The following TAOK1 variants were observed in gnomAD, a reference collection of about 807,000 sequenced individuals.
TAOK1 encodes the protein TAO kinase 1.
A neutral mutation model predicts 138.3 loss-of-function variants in TAOK1; 21 were observed. The observed-to-expected ratio is 0.15, with a 90% CI of 0.11 to 0.22. The LOEUF (loss-of-function observed/expected upper bound fraction) is 0.22, where lower values mean the gene tolerates loss of function less well. Among genes scored for constraint, TAOK1 ranks in the 10% least tolerant of loss-of-function variants. The probability of loss-of-function intolerance (pLI) is 1.00; values close to 1 mark genes in which losing one functional copy is unlikely to be tolerated. For missense variants in TAOK1, 651 were observed against 1,227.7 expected (o/e 0.53, Z 7.02); for synonymous variants, 361 against 398.4 (o/e 0.91, Z 1.12).
intron 15 of TAOK1, among the ~76,000 whole-genome samples, chr17:29,516,501 ATTT>A (rs36052568): frequency 1.6e-5 from 2 of 126,956 alleles, no homozygotes; most frequent in Admixed American, 1.6e-4. Context: ...CACCTGGCTA[ATTT>A]TTTTTTTTTT....
At chr17:29,432,791 TAGAG>T (rs1266227448) in intron 1 of TAOK1, among the ~76,000 whole-genome samples, 7 of 151,826 alleles carry the variant, frequency 4.6e-5, no homozygotes, top group Non-Finnish European at 7.4e-5. Context: ...TTTTTTTTTT[TAGAG>T]AGAGACAGAG....
intron 3 of TAOK1, among the ~76,000 whole-genome samples, chr17:29,472,943 G>A (rs1223656303): frequency 2.0e-5 from 3 of 152,142 alleles, no homozygotes; most frequent in Non-Finnish European, 4.4e-5. Context: ...CAGAATGGAT[G>A]GTGTATTAGC....
chr17:29,457,440 C>T (rs1356145974), intron 2 of TAOK1, among the ~76,000 whole-genome samples: 10 of 112,804 alleles, frequency 8.9e-5, no homozygotes, highest in Non-Finnish European at 1.5e-4. Context: ...GAGTGTGGCT[C>T]TGTAACCTAG....
chr17:29,410,748 G>T (rs1598468940), intron 1 of TAOK1, among the ~76,000 whole-genome samples: 1 of 147,754 alleles, frequency 6.8e-6, no homozygotes, highest in Non-Finnish European at 1.5e-5. Context: ...CGATTCTCCT[G>T]CCTCAGCTTC....
At position 29,545,654 on chromosome 17, in the gene TAOK1, G is replaced by T. The variant is rs1297266007; in HGVS notation, c.*2632G>T. On this transcript the variant is annotated 3_prime_UTR_variant, in exon 20 of 20. Coordinates refer to ENST00000261716, the MANE Select transcript of TAOK1 (RefSeq NM_020791.4). ...CAAATTAATTGGTTTGTATATGTTT[G>T]TGAGATCTAGCTTCTGAGGAATCTC... The T allele has an allele frequency of 1.3e-5, 2 of 152,146 alleles. No homozygotes were observed. Among genetic ancestry groups the T allele is most frequent in the Non-Finnish European group, 2.9e-5 (2 of 67,992 alleles). 9.4% of individuals were successfully genotyped at this position (152,146 alleles called of 1,614,324 possible). A position where few individuals can be genotyped will look rare whatever the true frequency, so the allele number is the denominator to read the frequency against.
chr17:29,540,359 T>TTTGC (rs1276864232), intron 19 of TAOK1, among the ~76,000 whole-genome samples: 2 of 151,670 alleles, frequency 1.3e-5, no homozygotes, highest in Non-Finnish European at 2.9e-5. Flanking sequence ...TTTTTGTTTG[T>TTTGC]TTGTTTGTTT....
rs916472318 is a variant in TAOK1 at position 29,395,135 on chromosome 17, C to G, written c.-95+4111C>G. Among the ~76,000 whole-genome samples the G allele has an allele frequency of 4.0e-5, 6 of 148,852 alleles. No individual in the cohort carries two copies. In the East Asian group the frequency reaches 1.2e-3, roughly 30 times the overall value. On this transcript the variant is annotated intron_variant, in intron 1 of 19. Coordinates refer to ENST00000261716, the MANE Select transcript of TAOK1 (RefSeq NM_020791.4). ...GATGGTGCGTGCTTGTTCTAACTAC[C>G]TGGCAGGCTGAGGTGGGAGGATTGC...
At chr17:29,536,468 C>CA (rs2032224799) in intron 19 of TAOK1, among the ~76,000 whole-genome samples, 1 of 150,900 alleles carries the variant, frequency 6.6e-6, no homozygotes, top group Non-Finnish European at 1.5e-5. Context: ...GGCATGATGG[C>CA]GGGTGCCTAT....
At chr17:29,523,476 C>G (rs980827535) in intron 17 of TAOK1, among the ~76,000 whole-genome samples, 4 of 152,136 alleles carry the variant, frequency 2.6e-5, no homozygotes, top group Admixed American at 6.6e-5. Context: ...CAAGCTCTGC[C>G]TCCTGGGTTC....
At chr17:29,526,834 A>T (rs1322200771) in intron 17 of TAOK1, among the ~76,000 whole-genome samples, 7 of 149,350 alleles carry the variant, frequency 4.7e-5, no homozygotes, top group Non-Finnish European at 1.0e-4. Context: ...AAAAAAAAAA[A>T]AAAAAAAAAA....
At chr17:29,411,648 C>T (rs1905147420) in intron 1 of TAOK1, among the ~76,000 whole-genome samples, 2 of 152,128 alleles carry the variant, frequency 1.3e-5, no homozygotes, top group African/African-American at 4.8e-5. Context: ...CTGCCTCTGC[C>T]ACCCAAAGTG....
intron 4 of TAOK1, 37 bp downstream of exon 4, chr17:29,475,808 G>C (rs1467798366): frequency 1.3e-6 from 2 of 1,517,246 alleles, no homozygotes; most frequent in Non-Finnish European, 1.8e-6. Flanking sequence ...AGTTTTAGCT[G>C]ATTTTGGTTT....
At chr17:29,415,581 C>G (rs1031358203) in intron 1 of TAOK1, among the ~76,000 whole-genome samples, 5 of 152,148 alleles carry the variant, frequency 3.3e-5, no homozygotes, top group African/African-American at 4.8e-5. Flanking sequence ...ATTTGCATTT[C>G]CCTGGTGACT....
chr17:29,431,293 T>C (rs141052286), intron 1 of TAOK1, among the ~76,000 whole-genome samples: 3 of 152,162 alleles, frequency 2.0e-5, no homozygotes, highest in East Asian at 3.9e-4. Flanking sequence ...AGAAAACATA[T>C]TAGTTGAGCA....
chr17:29,447,902 C>T (rs1017008995), intron 1 of TAOK1, among the ~76,000 whole-genome samples: 2 of 150,200 alleles, frequency 1.3e-5, no homozygotes, highest in Admixed American at 6.6e-5. Context: ...GTGACCCACC[C>T]GCCTCAGCCT....
chr17:29,397,605 C>CA (rs1567706615), intron 1 of TAOK1, among the ~76,000 whole-genome samples: 3 of 48,396 alleles, frequency 6.2e-5, no homozygotes, highest in Non-Finnish European at 9.7e-5. Context: ...TCCGTCCCCC[C>CA]CCAAAAAAAT....
At chr17:29,522,623 A>G in intron 17 of TAOK1, 104 bp downstream of exon 17, 9 of 1,472,022 alleles carry the variant, frequency 6.1e-6, no homozygotes, top group South Asian at 5.4e-5. Context: ...GAAATTGACT[A>G]AGCTTCTTTT....
intron 1 of TAOK1, among the ~76,000 whole-genome samples, chr17:29,411,086 C>CTTT (rs1567710753): frequency 7.8e-6 from 1 of 127,808 alleles, no homozygotes; most frequent in South Asian, 2.6e-4. Context: ...TTTCTTTTTA[C>CTTT]TGTTTTTTTT....
At chr17:29,450,561 G>A (rs2030205076) in intron 1 of TAOK1, among the ~76,000 whole-genome samples, 1 of 152,148 alleles carries the variant, frequency 6.6e-6, no homozygotes, top group Non-Finnish European at 1.5e-5. Context: ...GCCCAGGCTG[G>A]AGTGCGGTGG....
Sources: gnomAD v4.1 joint callset for allele counts (sites outside exome capture counted in the v4.1 genomes callset) on GRCh38, gnomAD v4.1.1 for gene constraint, MANE v1.5 for transcripts, NCBI Gene and HGNC (gene_info 2026-07-23, HGNC 2026-07-21) for gene names.